The following ZDHHC17 variants were observed in gnomAD, a reference collection of about 807,000 sequenced individuals.
ZDHHC17 encodes the protein palmitoyltransferase ZDHHC17.
A neutral mutation model predicts 90.3 loss-of-function variants in ZDHHC17; 40 were observed. The ratio of observed to expected loss-of-function variants is 0.44; its 90% confidence interval spans 0.34 to 0.58. The LOEUF (loss-of-function observed/expected upper bound fraction) is 0.58. ZDHHC17 is among the 20% of genes least tolerant of loss of function. ZDHHC17 has a pLI of 0.01. For missense variants in ZDHHC17, 614 were observed against 780.8 expected, an observed-to-expected ratio of 0.79 and a Z score of 2.55; for synonymous variants, 235 against 252.4, an observed-to-expected ratio of 0.93 and a Z score of 0.65.
chr12:76,810,296 ACAT>A (rs1175089353), intron 5 of ZDHHC17, among the ~76,000 whole-genome samples: 4 of 152,132 alleles, frequency 2.6e-5, no homozygotes, highest in Non-Finnish European at 4.4e-5. Flanking sequence ...TGTCAGAAAA[ACAT>A]CATATTTTAA....
chr12:76,850,877 C>T lies in ZDHHC17; in HGVS notation c.1791C>T (p.Phe597=), dbSNP rs565518977. ...NHGCVRNIID[F]FEFRCCGLFR... ...GATGTGTAAGAAATATTATAGACTT[C>T]TTTGAATTTCGATGCTGTGGCCTCT... The change falls in exon 17 of 17, where the codon TTC becomes TTT. Residue 597 remains phenylalanine, a synonymous_variant. Transcript: ENST00000426126. The T allele has an allele frequency of 9.5e-5, 154 of 1,613,894 alleles. 1 individual carries two copies. The South Asian group carries it at 1.7e-3, about 17-fold the overall frequency.
intron 1 of ZDHHC17, among the ~76,000 whole-genome samples, chr12:76,783,680 A>G (rs1325143941): frequency 6.6e-6 from 1 of 152,236 alleles, no homozygotes; most frequent in Non-Finnish European, 1.5e-5. Flanking sequence ...TGGTTTCCCA[A>G]AGATATCAGG....
chr12:76,827,697 T>C lies in ZDHHC17; in HGVS notation c.1040+647T>C, dbSNP rs139797145. Among the ~76,000 whole-genome samples, 562 of 152,222 alleles carry C rather than the reference T, an allele frequency of 3.7e-3. 6 individuals carry two copies. The highest frequency in any genetic ancestry group is 0.012 in the African/African-American group (512 of 41,556). On this transcript the variant is annotated intron_variant, in intron 9 of 16. Coordinates refer to ENST00000426126, the MANE Select transcript of ZDHHC17 (RefSeq NM_015336.4). ...TTCAGAAAAGAATTCTGAAAATAAT[T>C]CACACAGAGATGAGAATGACTAGTA...
At chr12:76,845,573 A>G (rs531697712) in intron 12 of ZDHHC17, 136 bp from the exon 13 acceptor site, 2 of 376,882 alleles carry the variant, frequency 5.3e-6, no homozygotes, top group Admixed American at 4.5e-5. Flanking sequence ...GGTTTCATTC[A>G]TTTGGAAACC....
At chr12:76,826,405 A>G (rs1953230567) in intron 8 of ZDHHC17, among the ~76,000 whole-genome samples, 1 of 152,190 alleles carries the variant, frequency 6.6e-6, no homozygotes, top group Non-Finnish European at 1.5e-5. Context: ...AGTGAACTCT[A>G]GGAGCCTATG....
At chr12:76,849,548 A>G in intron 16 of ZDHHC17, 78 bp downstream of exon 16, 1 of 813,636 alleles carries the variant, frequency 1.2e-6, no homozygotes, top group Non-Finnish European at 1.9e-6. Context: ...TTACTTAGTG[A>G]TATGTAAAAT....
chr12:76,788,954 C>G (rs1302044853), intron 1 of ZDHHC17, among the ~76,000 whole-genome samples: 1 of 151,908 alleles, frequency 6.6e-6, no homozygotes, highest in Non-Finnish European at 1.5e-5. Context: ...GCCTTGGCCT[C>G]CCAAAGTGCT....
At chr12:76,819,850 G>A (rs530784489) in intron 7 of ZDHHC17, among the ~76,000 whole-genome samples, 189 of 152,106 alleles carry the variant, frequency 1.2e-3, no homozygotes, top group African/African-American at 4.2e-3. Context: ...AAAATTAGCC[G>A]GGCGTGGTGG....
At chr12:76,796,620 A>G (rs1952822467) in intron 1 of ZDHHC17, among the ~76,000 whole-genome samples, 1 of 152,142 alleles carries the variant, frequency 6.6e-6, no homozygotes, top group Admixed American at 6.5e-5. Flanking sequence ...TTCCTTATTC[A>G]TCTAATGGTA....
chr12:76,826,614 C>T (rs1592490453), intron 8 of ZDHHC17, among the ~76,000 whole-genome samples: 1 of 152,184 alleles, frequency 6.6e-6, no homozygotes, highest in African/African-American at 2.4e-5. Flanking sequence ...GAACTGTTTG[C>T]TAGCCAGTGT....
At chr12:76,849,202 GTGGGGTGGGGGTTT>G (rs1447877163) in intron 15 of ZDHHC17, among the ~76,000 whole-genome samples, 160 bp from the exon 16 acceptor site, 2 of 146,284 alleles carry the variant, frequency 1.4e-5, no homozygotes, top group East Asian at 2.0e-4. Flanking sequence ...CCAGCTGCTG[GTGGGGTGGGGGTTT>G]TGGGGTGGGG....
At chr12:76,772,318 T>G (rs1952501962) in intron 1 of ZDHHC17, among the ~76,000 whole-genome samples, 1 of 152,160 alleles carries the variant, frequency 6.6e-6, no homozygotes, top group African/African-American at 2.4e-5. Flanking sequence ...AAGAGCAGTT[T>G]TATATTGGTA....
intron 1 of ZDHHC17, among the ~76,000 whole-genome samples, chr12:76,778,229 A>G (rs1952581577): frequency 1.3e-5 from 2 of 151,806 alleles, no homozygotes; most frequent in East Asian, 3.9e-4. Context: ...TGTTTTTTTG[A>G]GATGGAGTCT....
chr12:76,786,931 A>C (rs533521858), intron 1 of ZDHHC17, among the ~76,000 whole-genome samples: 16 of 152,318 alleles, frequency 1.1e-4, no homozygotes, highest in African/African-American at 3.8e-4. Flanking sequence ...GGGTTTTTGC[A>C]CTTCTCCTAA....
chr12:76,810,302 T>A (rs1179846406), intron 5 of ZDHHC17, among the ~76,000 whole-genome samples: 2 of 152,128 alleles, frequency 1.3e-5, no homozygotes, highest in Admixed American at 6.5e-5. Context: ...AAAAACATCA[T>A]ATTTTAAGTG....
At chr12:76,792,113 C>T (rs1404944065) in intron 1 of ZDHHC17, among the ~76,000 whole-genome samples, 1 of 152,110 alleles carries the variant, frequency 6.6e-6, no homozygotes, top group Non-Finnish European at 1.5e-5. Context: ...AAAATTCCAG[C>T]TCTCTAATCA....
chr12:76,810,454 T>A (rs532842336), intron 5 of ZDHHC17, among the ~76,000 whole-genome samples: 1 of 152,202 alleles, frequency 6.6e-6, no homozygotes, highest in Non-Finnish European at 1.5e-5. Flanking sequence ...TTTCTGGTTA[T>A]ATTTGAACAT....
chr12:76,772,657 C>T (rs1208343427), intron 1 of ZDHHC17, among the ~76,000 whole-genome samples: 1 of 151,274 alleles, frequency 6.6e-6, no homozygotes, highest in Admixed American at 6.6e-5. Flanking sequence ...GCCTCAGCCT[C>T]CTGAGTAGCT....
chr12:76,807,831 C>G (rs1348210192), intron 3 of ZDHHC17, among the ~76,000 whole-genome samples: 1 of 152,130 alleles, frequency 6.6e-6, no homozygotes, highest in Non-Finnish European at 1.5e-5. Flanking sequence ...AATAAAATAT[C>G]ATTTCCTACG....
Sources: gnomAD v4.1 joint callset for allele counts (sites outside exome capture counted in the v4.1 genomes callset) on GRCh38, gnomAD v4.1.1 for gene constraint, MANE v1.5 for transcripts, NCBI Gene and HGNC (gene_info 2026-07-23, HGNC 2026-07-21) for gene names.